PLCXD2: variants seen among roughly 807,000 people sequenced by gnomAD.
PLCXD2 encodes the protein PI-PLC X domain-containing protein 2.
In PLCXD2, 21 loss-of-function variants were observed where a neutral mutation model predicts 28.6. The ratio of observed to expected loss-of-function variants is 0.73; its 90% CI spans 0.52 to 1.06. PLCXD2 has a LOEUF of 1.06. Ranked by LOEUF, PLCXD2 falls within the 50% of genes least tolerant of loss-of-function variation. The pLI, the probability that PLCXD2 is intolerant of heterozygous loss-of-function variation, is 0.00. For synonymous variants in PLCXD2, 140 were observed against 150.1 expected (o/e 0.93, Z 0.49); for missense variants, 369 against 376.7 (o/e 0.98, Z 0.17).
intron 1 of PLCXD2, among the ~76,000 whole-genome samples, chr3:111,692,784 A>C (rs760613290): frequency 2.6e-5 from 4 of 152,244 alleles, no homozygotes; most frequent in Non-Finnish European, 4.4e-5. Context: ...GCAAAATTGC[A>C]GTAAATCAAG....
At chr3:111,675,552 A>C in intron 1 of PLCXD2, 144 bp downstream of exon 1, 2 of 891,658 alleles carry the variant, frequency 2.2e-6, no homozygotes, top group Non-Finnish European at 3.6e-6. Flanking sequence ...TTAACACTGA[A>C]GCAGCTGCTT....
rs1940602247 is a variant in PLCXD2, at chr3:111,675,253, CAGTT to C, written c.11_14del (p.Val4GlyfsTer83). On this transcript the variant is annotated frameshift_variant, in exon 1 of 5. Coordinates refer to ENST00000477665, the MANE Select transcript of PLCXD2 (RefSeq NM_001185106.1). LOFTEE classifies it high-confidence loss of function. ...AGTTTGTTAACAACAGGGATGCTAG[CAGTT>C]AGGAAGGCCAGGAGGAAACTCAGGA... 1.2e-6 allele frequency: 2 copies of C among 1,613,758 alleles called. No individual in the cohort carries two copies. The highest frequency in any genetic ancestry group is 8.5e-7 in the Non-Finnish European group (1 of 1,179,842).
chr3:111,716,969 G>A (rs556968170), intron 3 of PLCXD2, among the ~76,000 whole-genome samples: 123 of 152,298 alleles, frequency 8.1e-4, no homozygotes, highest in African/African-American at 2.9e-3. Context: ...CTGTCTGCAA[G>A]CCAAGGACAG....
chr3:111,716,731 C>G (rs931614085), intron 3 of PLCXD2, among the ~76,000 whole-genome samples: 1 of 152,154 alleles, frequency 6.6e-6, no homozygotes, highest in African/African-American at 2.4e-5. Context: ...TCCCCGCCAT[C>G]CCCAAGCTCA....
At chr3:111,690,588 G>A (rs1411198101) in intron 1 of PLCXD2, among the ~76,000 whole-genome samples, 1 of 152,214 alleles carries the variant, frequency 6.6e-6, no homozygotes, top group Non-Finnish European at 1.5e-5. Flanking sequence ...AGGGTGGGGT[G>A]TGTTTTCATT....
chr3:111,687,354 TGGAAAGGCAA>T (rs1335509678), intron 1 of PLCXD2, among the ~76,000 whole-genome samples: 1 of 152,148 alleles, frequency 6.6e-6, no homozygotes, highest in Non-Finnish European at 1.5e-5. Context: ...GTAATTAAAA[TGGAAAGGCAA>T]GGGACAATAA....
chr3:111,677,630 A>G (rs1306625164), intron 1 of PLCXD2, among the ~76,000 whole-genome samples: 1 of 152,208 alleles, frequency 6.6e-6, no homozygotes, highest in Non-Finnish European at 1.5e-5. Context: ...AATTTTCTCA[A>G]GATCACACAA....
intron 2 of PLCXD2, among the ~76,000 whole-genome samples, chr3:111,711,113 T>C (rs1397264235): frequency 6.6e-6 from 1 of 152,148 alleles, no homozygotes; most frequent in East Asian, 1.9e-4. Context: ...CATTTCTTCT[T>C]GAAAGCTAAA....
At chr3:111,716,223 A>G (rs545926831) in intron 3 of PLCXD2, among the ~76,000 whole-genome samples, 1 of 152,362 alleles carries the variant, frequency 6.6e-6, no homozygotes, top group South Asian at 2.1e-4. Context: ...TTGTTCCAAA[A>G]GGCCAGTGCA....
At chr3:111,685,961 A>G (rs1265490179) in intron 1 of PLCXD2, among the ~76,000 whole-genome samples, 1 of 152,214 alleles carries the variant, frequency 6.6e-6, no homozygotes, top group East Asian at 1.9e-4. Flanking sequence ...CACATAAATC[A>G]TAGGACGTTG....
At chr3:111,706,338 A>C (rs1941117770) in intron 1 of PLCXD2, among the ~76,000 whole-genome samples, 1 of 152,032 alleles carries the variant, frequency 6.6e-6, no homozygotes, top group Admixed American at 6.6e-5. Flanking sequence ...TTCGCTCTTG[A>C]TTGTTTCCTT....
At chr3:111,678,587 T>C (rs1940660478) in intron 1 of PLCXD2, among the ~76,000 whole-genome samples, 1 of 152,216 alleles carries the variant, frequency 6.6e-6, no homozygotes, top group South Asian at 2.1e-4. Flanking sequence ...GTTTACATTT[T>C]GGGAAGGTTC....
intron 3 of PLCXD2, chr3:111,725,077 C>T (rs1485495395): frequency 2.0e-5 from 3 of 152,178 alleles, no homozygotes; most frequent in African/African-American, 7.2e-5. Context: ...GATGGCAGAA[C>T]TTATCTAGGA....
intron 3 of PLCXD2, among the ~76,000 whole-genome samples, chr3:111,718,060 A>C (rs557651991): frequency 6.6e-6 from 1 of 152,232 alleles, no homozygotes; most frequent in East Asian, 1.9e-4. Context: ...TATTTTGTTT[A>C]ATTCCCCAAA....
At chr3:111,682,322 G>T (rs190971588) in intron 1 of PLCXD2, among the ~76,000 whole-genome samples, 1 of 152,286 alleles carries the variant, frequency 6.6e-6, no homozygotes, top group Admixed American at 6.5e-5. Context: ...GCATGCCTAG[G>T]TTATATCATC....
At chr3:111,717,036 A>T (rs1437509173) in intron 3 of PLCXD2, among the ~76,000 whole-genome samples, 1 of 152,154 alleles carries the variant, frequency 6.6e-6, no homozygotes, top group Non-Finnish European at 1.5e-5. Context: ...CCAACTTCTA[A>T]AACAAGAGAA....
chr3:111,718,459 C>T (rs867188726), intron 3 of PLCXD2, among the ~76,000 whole-genome samples: 2 of 148,234 alleles, frequency 1.3e-5, no homozygotes, highest in Admixed American at 1.3e-4. Flanking sequence ...AGGAAGACTC[C>T]GTCTCAAAAA....
chr3:111,676,033 T>C (rs748579346), intron 1 of PLCXD2, among the ~76,000 whole-genome samples: 9 of 152,224 alleles, frequency 5.9e-5, no homozygotes, highest in Non-Finnish European at 1.2e-4. Context: ...TACAGGTGTC[T>C]GCCTGACTGA....
chr3:111,707,611 T>A (rs1194907104), intron 1 of PLCXD2, among the ~76,000 whole-genome samples: 1 of 152,198 alleles, frequency 6.6e-6, no homozygotes, highest in Non-Finnish European at 1.5e-5. Context: ...CTGGAGCAAA[T>A]TGTATGAATA....
Sources: gnomAD v4.1 joint callset for allele counts (sites outside exome capture counted in the v4.1 genomes callset) on GRCh38, gnomAD v4.1.1 for gene constraint, MANE v1.5 for transcripts, NCBI Gene and HGNC (gene_info 2026-07-23, HGNC 2026-07-21) for gene names.